OTC: variants seen among roughly 807,000 people sequenced by gnomAD.
OTC encodes ornithine transcarbamylase, mitochondrial.
In OTC, 3 loss-of-function variants were observed where a neutral mutation model predicts 30.3. The ratio of observed to expected loss-of-function variants is 0.10; its 90% CI spans 0.05 to 0.26. The LOEUF (loss-of-function observed/expected upper bound fraction) is 0.26, where lower values mean the gene tolerates loss of function less well. OTC is among the 10% of genes least tolerant of loss of function. The pLI is 1.00. For missense variants in OTC, 194 were observed against 260.3 expected (o/e 0.75, Z 1.75); for synonymous variants, 111 against 99.7 (o/e 1.11, Z -0.67).
intron 4 of OTC, among the ~76,000 whole-genome samples, chrX:38,382,749 A>T (rs957020114): frequency 8.9e-6 from 1 of 112,540 alleles, no homozygotes; most frequent in East Asian, 2.8e-4. Context: ...AGACATACCC[A>T]AGCAAAGTTT....
the OTC span, among the ~76,000 whole-genome samples, chrX:38,338,890 A>G: frequency 1.5e-4 from 17 of 111,827 alleles, no homozygotes; most frequent in Admixed American, 1.6e-3. Flanking sequence ...ATTGGTTGGT[A>G]AATCTCATCT....
chrX:38,396,634 G>T (rs1199383567), intron 4 of OTC, among the ~76,000 whole-genome samples: 3 of 110,873 alleles, frequency 2.7e-5, no homozygotes, highest in African/African-American at 9.9e-5. Flanking sequence ...TTAGCCGGGC[G>T]TAGTGGCGCA....
At chrX:38,396,227 G>T (rs2068456352) in intron 4 of OTC, among the ~76,000 whole-genome samples, 1 of 109,364 alleles carries the variant, frequency 9.1e-6, no homozygotes, top group South Asian at 4.1e-4. Context: ...TTCCCAAAGT[G>T]CTGGGATTAC....
chrX:38,387,398 A>T (rs1285907845), intron 4 of OTC, among the ~76,000 whole-genome samples: 4 of 112,514 alleles, frequency 3.6e-5, no homozygotes, highest in Non-Finnish European at 7.5e-5. Context: ...AGAAGATCTG[A>T]CAATTAAGGA....
At chrX:38,367,238 A>C in intron 1 of OTC, 53 bp from the exon 2 acceptor site, 1 of 1,035,992 alleles carries the variant, frequency 9.7e-7, no homozygotes, top group Non-Finnish European at 1.4e-6. Context: ...TCACCATAGT[A>C]CATGGGTCTT....
intron 1 of OTC, among the ~76,000 whole-genome samples, chrX:38,355,689 A>C (rs1166696151): frequency 8.9e-6 from 1 of 112,362 alleles, no homozygotes; most frequent in Admixed American, 9.4e-5. Context: ...GAGGAGAGAA[A>C]CCAGTGCACT....
rs764152756 is a variant in OTC, at chrX:38,375,252, G to A, written c.298+5375G>A. On this transcript the variant is annotated intron_variant, in intron 3 of 9. Coordinates refer to ENST00000039007, the MANE Select transcript of OTC (RefSeq NM_000531.6). ...GAAGATGATAAGTACTCTCAGCAAG[G>A]AGAAGAATGTGTCTGGAACTGAGGG... Among the ~76,000 whole-genome samples, 3 of 112,112 alleles carry A rather than the reference G, an allele frequency of 2.7e-5. No homozygotes were observed. In the South Asian group the frequency reaches 1.1e-3, roughly 42 times the overall value.
chrX:38,420,521 A>G (rs1029911837), intron 9 of OTC, among the ~76,000 whole-genome samples: 1 of 110,923 alleles, frequency 9.0e-6, no homozygotes, highest in Non-Finnish European at 1.9e-5. Context: ...GGGAAGCGGT[A>G]TACTCTTGGC....
intron 9 of OTC, among the ~76,000 whole-genome samples, chrX:38,414,791 C>T (rs1009082770): frequency 2.7e-5 from 3 of 111,616 alleles, no homozygotes; most frequent in Non-Finnish European, 5.6e-5. Context: ...CTTACACGGA[C>T]GCTAGAAAGG....
intron 6 of OTC, among the ~76,000 whole-genome samples, chrX:38,407,407 G>A (rs2068520545): frequency 8.9e-6 from 1 of 112,143 alleles, no homozygotes; most frequent in Non-Finnish European, 1.9e-5. Flanking sequence ...GGGGGATCTC[G>A]GGAGCATACC....
intron 9 of OTC, among the ~76,000 whole-genome samples, chrX:38,414,407 C>G (rs530203360): frequency 1.8e-5 from 2 of 111,888 alleles, no homozygotes; most frequent in African/African-American, 3.2e-5. Context: ...ACCGCCATCT[C>G]CCCATTCCCC....
At chrX:38,397,426 G>A (rs7053756) in intron 4 of OTC, among the ~76,000 whole-genome samples, 22,963 of 110,904 alleles carry the variant, frequency 0.21, 1,967 homozygotes, top group Middle Eastern at 0.28. Context: ...GCCCAATAAC[G>A]TGAAACTGAC....
chrX:38,367,509 A>G, intron 2 of OTC, 80 bp downstream of exon 2: 1 of 859,107 alleles, frequency 1.2e-6, no homozygotes, highest in Non-Finnish European at 1.7e-6. Flanking sequence ...AAAGAGGGAA[A>G]AAAATACATT....
chrX:38,403,332 A>G (rs2068498646), intron 5 of OTC, among the ~76,000 whole-genome samples: 1 of 111,893 alleles, frequency 8.9e-6, no homozygotes, highest in Admixed American at 9.5e-5. Context: ...ATTTGTATCC[A>G]ATGAGTGAAT....
intron 3 of OTC, among the ~76,000 whole-genome samples, chrX:38,370,780 C>T (rs1338877887): frequency 9.0e-6 from 1 of 111,148 alleles, no homozygotes; most frequent in Non-Finnish European, 1.9e-5. Context: ...GCTCTTCTCA[C>T]CCTTCAAAGT....
the OTC span, among the ~76,000 whole-genome samples, chrX:38,337,510 T>C: frequency 1.8e-5 from 2 of 111,870 alleles, no homozygotes; most frequent in Non-Finnish European, 1.9e-5. Context: ...CATTAACCCC[T>C]GATCATGATT....
the OTC span, among the ~76,000 whole-genome samples, chrX:38,337,637 A>G: frequency 5.4e-5 from 6 of 112,118 alleles, no homozygotes; most frequent in Admixed American, 9.5e-5. Flanking sequence ...GATTCGGTAT[A>G]GATGCTCGAC....
At chrX:38,352,578 T>A, upstream of OTC, 2 of 553,684 alleles carry the variant, frequency 3.6e-6, no homozygotes, top group South Asian at 4.9e-5. Flanking sequence ...AAGGGTGATA[T>A]TACCTTTGCT....
At chrX:38,372,802 G>C (rs1450296009) in intron 3 of OTC, among the ~76,000 whole-genome samples, 2 of 111,976 alleles carry the variant, frequency 1.8e-5, no homozygotes, top group Non-Finnish European at 3.8e-5. Context: ...TTGTCCTTTG[G>C]TACAATTTTT....
Sources: gnomAD v4.1 joint callset for allele counts (sites outside exome capture counted in the v4.1 genomes callset) on GRCh38, gnomAD v4.1.1 for gene constraint, MANE v1.5 for transcripts, NCBI Gene and HGNC (gene_info 2026-07-23, HGNC 2026-07-21) for gene names.